Variants in LRRC37A2 observed in about 807,000 individuals in gnomAD.
LRRC37A2 encodes the protein leucine rich repeat containing 37 member A2.
Under a neutral mutation model 68.8 loss-of-function variants are expected in LRRC37A2, and 9 were observed. The ratio of observed to expected loss-of-function variants is 0.13; its 90% CI spans 0.08 to 0.23. The LOEUF (loss-of-function observed/expected upper bound fraction) is 0.23. LRRC37A2 is among the 10% of genes least tolerant of loss of function. LRRC37A2 has a pLI of 1.00. For synonymous variants in LRRC37A2, 63 were observed against 367.6 expected, an observed-to-expected ratio of 0.17 and a Z score of 9.48; for missense variants, 168 against 950.4, an observed-to-expected ratio of 0.18 and a Z score of 10.82.
chr17:46,917,710 C>T, the LRRC37A2 span, among the ~76,000 whole-genome samples: 31 of 152,316 alleles, frequency 2.0e-4, no homozygotes, highest in African/African-American at 7.0e-4. Flanking sequence ...TTCCGCTTGG[C>T]GTTGCCCTAG....
At chr17:46,957,919 T>C in the LRRC37A2 span, among the ~76,000 whole-genome samples, 61 of 152,240 alleles carry the variant, frequency 4.0e-4, no homozygotes, top group African/African-American at 1.4e-3. Context: ...CAGGGATCAG[T>C]GTGCCTAGCA....
the LRRC37A2 span, chr17:46,770,034 C>A: frequency 6.4e-7 from 1 of 1,558,034 alleles, no homozygotes; most frequent in South Asian, 1.2e-5. Context: ...TGAACGAAGG[C>A]CGACTCGCGG....
the LRRC37A2 span, among the ~76,000 whole-genome samples, chr17:46,997,911 A>G: frequency 6.6e-6 from 1 of 150,842 alleles, no homozygotes; most frequent in Non-Finnish European, 1.5e-5. Flanking sequence ...CAGAGGTTGC[A>G]GTGAGCTGAG....
the LRRC37A2 span, among the ~76,000 whole-genome samples, chr17:46,736,899 C>T: frequency 1.3e-5 from 2 of 152,216 alleles, no homozygotes; most frequent in Non-Finnish European, 2.9e-5. Flanking sequence ...TGGCACTTGG[C>T]TCAGTGCCAT....
chr17:46,946,007 A>G, the LRRC37A2 span, among the ~76,000 whole-genome samples: 2 of 152,028 alleles, frequency 1.3e-5, no homozygotes, highest in Non-Finnish European at 2.9e-5. Flanking sequence ...TCTTACCTCA[A>G]TCCAGGGGCC....
At chr17:46,657,974 T>A in the LRRC37A2 span, among the ~76,000 whole-genome samples, 24 of 13,438 alleles carry the variant, frequency 1.8e-3, 4 homozygotes, top group Admixed American at 3.4e-3. Context: ...TTATTTATTT[T>A]TTTTTTTTTT....
the LRRC37A2 span, chr17:47,049,098 A>C: frequency 3.5e-6 from 3 of 865,158 alleles, no homozygotes; most frequent in Admixed American, 3.9e-5. Context: ...AATGGCACTC[A>C]AATGTTTGCT....
chr17:46,982,625 G>C, the LRRC37A2 span, among the ~76,000 whole-genome samples: 9 of 152,156 alleles, frequency 5.9e-5, no homozygotes, highest in African/African-American at 2.2e-4. Context: ...TTTCAGCCCA[G>C]ATCTGTCCTG....
chr17:46,690,624 A>AAAAATAT, the LRRC37A2 span, among the ~76,000 whole-genome samples: 4 of 110,954 alleles, frequency 3.6e-5, no homozygotes, highest in East Asian at 2.4e-4. Flanking sequence ...AAAAAAAAAA[A>AAAAATAT]ATATATATAT....
At chr17:46,836,616 A>G in the LRRC37A2 span, among the ~76,000 whole-genome samples, 40 of 152,256 alleles carry the variant, frequency 2.6e-4, no homozygotes, top group Non-Finnish European at 5.3e-4. Context: ...GAATCAGCAC[A>G]GTGCCTCTCA....
At chr17:46,725,570 T>G in the LRRC37A2 span, among the ~76,000 whole-genome samples, 1 of 152,202 alleles carries the variant, frequency 6.6e-6, no homozygotes, top group Non-Finnish European at 1.5e-5. Flanking sequence ...ATACACAGGT[T>G]GTTTTTAAAC....
intron 6 of LRRC37A2, among the ~76,000 whole-genome samples, chr17:46,525,314 C>T (rs1465521488): frequency 7.6e-5 from 7 of 92,370 alleles, no homozygotes; most frequent in East Asian, 2.9e-4. Context: ...ATCTGGTGGC[C>T]GGGAGCGGTG....
At chr17:46,685,152 A>G in the LRRC37A2 span, among the ~76,000 whole-genome samples, 4 of 144,574 alleles carry the variant, frequency 2.8e-5, no homozygotes, top group African/African-American at 1.0e-4. Context: ...AACACTAGGC[A>G]GAAGTGAGTT....
chr17:46,943,509 T>A, the LRRC37A2 span, among the ~76,000 whole-genome samples: 5 of 152,078 alleles, frequency 3.3e-5, no homozygotes, highest in Non-Finnish European at 7.4e-5. Context: ...CCATGAAACC[T>A]CCAAGAAGCC....
the LRRC37A2 span, chr17:46,832,749 G>C: frequency 1.3e-5 from 2 of 152,700 alleles, no homozygotes; most frequent in Admixed American, 6.5e-5. Context: ...CAGCCACTTT[G>C]GGGGTGAAAC....
At chr17:46,773,382 A>G in the LRRC37A2 span, among the ~76,000 whole-genome samples, 1 of 152,044 alleles carries the variant, frequency 6.6e-6, no homozygotes, top group Admixed American at 6.5e-5. Context: ...GAAATGTCAC[A>G]AATGTCCACA....
chr17:46,751,696 C>A, the LRRC37A2 span: 2 of 782,586 alleles, frequency 2.6e-6, no homozygotes, highest in South Asian at 2.6e-5. Context: ...TTTCCTTTGC[C>A]AAGGTTTTAA....
the LRRC37A2 span, among the ~76,000 whole-genome samples, chr17:46,997,942 C>A: frequency 1.3e-5 from 2 of 150,362 alleles, no homozygotes; most frequent in African/African-American, 2.5e-5. Context: ...TGCACTCCAG[C>A]CTGGGCAACA....
At chr17:46,475,867 TA>T in the LRRC37A2 span, among the ~76,000 whole-genome samples, 1 of 82,222 alleles carries the variant, frequency 1.2e-5, no homozygotes, top group Admixed American at 1.2e-4. Flanking sequence ...CACTGGCCTG[TA>T]AAAAAGAGAA....
Sources: allele counts gnomAD v4.1 joint callset (sites outside exome capture counted in the v4.1 genomes callset), GRCh38; gene constraint gnomAD v4.1.1; transcripts MANE v1.5; gene names NCBI Gene and HGNC (gene_info 2026-07-23, HGNC 2026-07-21).